SMAD6: variants seen among roughly 807,000 people sequenced by gnomAD.
SMAD6 encodes SMAD family member 6.
SMAD6 carries 103 observed loss-of-function variants against 39.4 expected under a neutral mutation model. The observed-to-expected ratio is 2.62, with a 90% confidence interval of 2.23 to 3.08. The LOEUF (loss-of-function observed/expected upper bound fraction) is 3.08. Among genes scored for constraint, SMAD6 ranks in the 30% most tolerant of loss-of-function variants. The pLI, the probability that SMAD6 is intolerant of heterozygous loss-of-function variation, is 0.00. For synonymous variants in SMAD6, 445 were observed against 353.3 expected, an observed-to-expected ratio of 1.26 and a Z score of -2.91; for missense variants, 1,104 against 742.9, an observed-to-expected ratio of 1.49 and a Z score of -5.65.
chr15:66,726,698 C>T (rs1427981652), intron 3 of SMAD6, among the ~76,000 whole-genome samples: 1 of 152,086 alleles, frequency 6.6e-6, no homozygotes, highest in Non-Finnish European at 1.5e-5. Context: ...GACTCTGTTC[C>T]CTGTTTCTTG....
intron 3 of SMAD6, among the ~76,000 whole-genome samples, chr15:66,720,850 C>T (rs1169106293): frequency 6.6e-6 from 1 of 152,162 alleles, no homozygotes; most frequent in African/African-American, 2.4e-5. Flanking sequence ...TCACTGGGAT[C>T]GCGCAGTCCT....
intron 3 of SMAD6, among the ~76,000 whole-genome samples, chr15:66,777,986 G>A (rs1894495581): frequency 2.0e-5 from 3 of 152,188 alleles, no homozygotes; most frequent in Admixed American, 1.3e-4. Flanking sequence ...TTGATTGGGG[G>A]GATGGAAGGA....
chr15:66,768,950 T>C (rs546168480), intron 3 of SMAD6, among the ~76,000 whole-genome samples: 2 of 152,324 alleles, frequency 1.3e-5, no homozygotes, highest in African/African-American at 4.8e-5. Flanking sequence ...CGTACCCTTC[T>C]GTTGACAGCA....
intron 3 of SMAD6, among the ~76,000 whole-genome samples, chr15:66,755,587 G>C (rs577595400): frequency 1.3e-5 from 2 of 152,298 alleles, no homozygotes; most frequent in African/African-American, 4.8e-5. Context: ...TCAGGGTCAG[G>C]ATCTTCAGTG....
At chr15:66,738,172 A>T (rs1455155716) in intron 3 of SMAD6, among the ~76,000 whole-genome samples, 1 of 152,164 alleles carries the variant, frequency 6.6e-6, no homozygotes, top group African/African-American at 2.4e-5. Context: ...GGCTATTTTT[A>T]TACCAATAGC....
intron 3 of SMAD6, chr15:66,717,237 C>A: frequency 1.2e-6 from 1 of 807,964 alleles, no homozygotes; most frequent in Non-Finnish European, 1.8e-6. Flanking sequence ...GGCATGCTGG[C>A]TGGGACTGAC....
In SMAD6 at chr15:66,729,970, A is replaced by G. The variant is rs1893597290; in HGVS notation, c.952+13472A>G. ...GAAAAACACTTGGGCTTAAGAAAAC[A>G]CTCGCCAGACAAACTCAAATTCAGG... On this transcript the variant is annotated intron_variant, in intron 3 of 3. Coordinates refer to ENST00000288840, the MANE Select transcript of SMAD6 (RefSeq NM_005585.5). Among the ~76,000 whole-genome samples, 3 of 136,748 alleles carry G rather than the reference A, an allele frequency of 2.2e-5. No individual in the cohort carries two copies. The South Asian group carries it at 6.8e-4, about 31-fold the overall frequency. The allele number at this position is 136,748 out of a possible 152,430, so 89.7% of individuals were successfully genotyped here.
intron 3 of SMAD6, among the ~76,000 whole-genome samples, chr15:66,775,679 A>G (rs1056269870): frequency 6.6e-6 from 1 of 152,168 alleles, no homozygotes. Flanking sequence ...GGCCCTGAGC[A>G]GGGGGTAGTG....
chr15:66,749,463 GAAAC>G (rs959680814), intron 3 of SMAD6, among the ~76,000 whole-genome samples: 25 of 152,022 alleles, frequency 1.6e-4, no homozygotes, highest in African/African-American at 6.0e-4. Flanking sequence ...CATCTCAAAA[GAAAC>G]AAACAAACAA....
chr15:66,720,586 G>A (rs776269467), intron 3 of SMAD6, among the ~76,000 whole-genome samples: 5 of 152,202 alleles, frequency 3.3e-5, no homozygotes, highest in Non-Finnish European at 7.3e-5. Context: ...TCTTATTCTA[G>A]TGCCTGTAAG....
chr15:66,748,775 A>AG (rs975588520), intron 3 of SMAD6, among the ~76,000 whole-genome samples: 10 of 152,236 alleles, frequency 6.6e-5, no homozygotes, highest in Admixed American at 5.9e-4. Context: ...TATCAGGAAA[A>AG]GGAGACTCGA....
intron 3 of SMAD6, among the ~76,000 whole-genome samples, chr15:66,773,348 C>T (rs974883198): frequency 2.6e-5 from 4 of 152,142 alleles, no homozygotes; most frequent in African/African-American, 4.8e-5. Flanking sequence ...TCCTTCTCTG[C>T]TTTTACTGCC....
chr15:66,745,447 A>G (rs966055984), intron 3 of SMAD6, among the ~76,000 whole-genome samples: 1 of 151,704 alleles, frequency 6.6e-6, no homozygotes, highest in African/African-American at 2.4e-5. Context: ...AACAGCTCTC[A>G]GTGGTCTTCT....
chr15:66,748,849 A>G (rs953986471), intron 3 of SMAD6, among the ~76,000 whole-genome samples: 3 of 152,048 alleles, frequency 2.0e-5, no homozygotes, highest in Admixed American at 6.5e-5. Flanking sequence ...CAAATATTTT[A>G]TTTGCCAGGA....
At chr15:66,722,985 T>C (rs1893460900) in intron 3 of SMAD6, among the ~76,000 whole-genome samples, 1 of 152,174 alleles carries the variant, frequency 6.6e-6, no homozygotes, top group Admixed American at 6.5e-5. Flanking sequence ...AGCTGTATAT[T>C]GGGTCCACTG....
At chr15:66,732,582 G>A (rs1025857490) in intron 3 of SMAD6, among the ~76,000 whole-genome samples, 1 of 152,032 alleles carries the variant, frequency 6.6e-6, no homozygotes, top group African/African-American at 2.4e-5. Flanking sequence ...GGCTGGTCTC[G>A]AACTCCTGGC....
At chr15:66,742,201 C>T (rs1178754726) in intron 3 of SMAD6, among the ~76,000 whole-genome samples, 1 of 152,148 alleles carries the variant, frequency 6.6e-6, no homozygotes, top group South Asian at 2.1e-4. Context: ...GTGGTGGCTC[C>T]GCACCCTGGA....
intron 3 of SMAD6, among the ~76,000 whole-genome samples, chr15:66,730,097 C>G (rs371536929): frequency 6.6e-6 from 1 of 152,164 alleles, no homozygotes; most frequent in Non-Finnish European, 1.5e-5. Flanking sequence ...GTGGGTGCCC[C>G]GCTGATGCAT....
Position 66,781,376 on chromosome 15 carries a change from G to C in SMAD6, c.1332G>C (p.Ser444=), listed in dbSNP as rs759825484. The part of the protein sequence containing the change: ...YSIKVFDFER[S]GLQHAPEPDA... ...TCAAGGTGTTCGACTTCGAGCGCTC[G>C]GGCCTGCAGCACGCGCCCGAGCCCG... The change falls in exon 4 of 4, where the codon TCG becomes TCC. Residue 444 remains serine (S), a synonymous_variant. Transcript: ENST00000288840. 1.2e-6 allele frequency: 2 copies of C among 1,600,580 alleles called. No individual in the cohort carries two copies. Among genetic ancestry groups the C allele is most frequent in the East Asian group, 4.5e-5 (2 of 44,690 alleles).
Sources: gnomAD v4.1 joint callset for allele counts (sites outside exome capture counted in the v4.1 genomes callset) on GRCh38, gnomAD v4.1.1 for gene constraint, MANE v1.5 for transcripts, NCBI Gene and HGNC (gene_info 2026-07-23, HGNC 2026-07-21) for gene names.